POTEJ: variants seen among roughly 807,000 people sequenced by gnomAD.
POTEJ encodes POTE ankyrin domain family member J.
Under a neutral mutation model 69.0 loss-of-function variants are expected in POTEJ, and 11 were observed. That is an observed-to-expected ratio of 0.16 (90% CI 0.10 to 0.26). The LOEUF is 0.26. Ranked by LOEUF, POTEJ falls within the 10% of genes least tolerant of loss-of-function variation. The pLI is 1.00. For missense variants in POTEJ, 327 were observed against 1,045.5 expected (o/e 0.31, Z 9.48); for synonymous variants, 117 against 381.1 (o/e 0.31, Z 8.07).
chr2:130,624,947 A>G (rs1685649203), intron 6 of POTEJ, among the ~76,000 whole-genome samples: 1 of 152,004 alleles, frequency 6.6e-6, no homozygotes, highest in Non-Finnish European at 1.5e-5. Context: ...ATTTGCCAAA[A>G]GATTGTCATA....
At chr2:130,627,375 G>A (rs1473972294) in intron 6 of POTEJ, among the ~76,000 whole-genome samples, 2 of 146,232 alleles carry the variant, frequency 1.4e-5, no homozygotes, top group African/African-American at 5.3e-5. Flanking sequence ...ACATAGAATG[G>A]GACAGATGAA....
chr2:130,656,494 A>C, intron 14 of POTEJ, 55 bp from the exon 15 acceptor site: 1 of 1,563,380 alleles, frequency 6.4e-7, no homozygotes, highest in Non-Finnish European at 8.7e-7. Flanking sequence ...TTCAAAAGAA[A>C]TCATGTTATG....
intron 9 of POTEJ, among the ~76,000 whole-genome samples, chr2:130,633,364 T>C (rs1475595487): frequency 1.1e-4 from 15 of 137,398 alleles, no homozygotes; most frequent in African/African-American, 4.0e-4. Flanking sequence ...TATATACTTA[T>C]GTATAAGGAC....
intron 10 of POTEJ, among the ~76,000 whole-genome samples, chr2:130,641,318 C>CACCGTGTATTTCATTCACA: frequency 6.6e-6 from 1 of 151,980 alleles, no homozygotes; most frequent in South Asian, 2.1e-4. Flanking sequence ...AAGGTTTTCA[C>CACCGTGTATTTCATTCACA]CCGTCCATGG....
intron 13 of POTEJ, among the ~76,000 whole-genome samples, chr2:130,649,558 G>A (rs1271444099): frequency 6.6e-6 from 1 of 152,096 alleles, no homozygotes; most frequent in African/African-American, 2.4e-5. Context: ...TTATCTCAGT[G>A]GATGTATTTA....
At chr2:130,626,743 A>G (rs1466816973) in intron 6 of POTEJ, among the ~76,000 whole-genome samples, 1 of 152,294 alleles carries the variant, frequency 6.6e-6, no homozygotes, top group East Asian at 1.9e-4. Flanking sequence ...TTGGAGTAGC[A>G]TCAATGTATT....
rs1449833315 is a variant in POTEJ at position 130,657,484 on chromosome 2, C to T, written c.2724C>T (p.Gly908=). Residue 908 remains glycine, a synonymous_variant, in exon 15 of 15, where the codon GGC becomes GGT. Coordinates refer to ENST00000409602, the MANE Select transcript of POTEJ (RefSeq NM_001277083.2). ...AGAAGAGCTACGAGCTGCCCGATGG[C>T]CAGGTCATCACCATCAGCAACGAGT... The part of the protein sequence containing the change: ...SLEKSYELPD[G]QVITISNEWF... The T allele has an allele frequency of 5.1e-6, 8 of 1,574,396 alleles. 1 individual carries two copies. Among genetic ancestry groups the T allele is most frequent in the Admixed American group, 1.7e-5 (1 of 59,006 alleles).
chr2:130,625,786 G>C (rs1327244064), intron 6 of POTEJ, among the ~76,000 whole-genome samples: 2 of 138,734 alleles, frequency 1.4e-5, no homozygotes, highest in Non-Finnish European at 3.1e-5. Flanking sequence ...TGAATACTTA[G>C]CTAAGGCAAG....
At chr2:130,650,150 T>C (rs1237213068) in intron 13 of POTEJ, among the ~76,000 whole-genome samples, 4 of 152,396 alleles carry the variant, frequency 2.6e-5, no homozygotes, top group South Asian at 2.1e-4. Flanking sequence ...CAAAGTGATT[T>C]ATCATCTCTA....
At position 130,613,289 on chromosome 2, in the gene POTEJ, C is replaced by CATATATAT. The variant is rs1171559176; in HGVS notation, c.410+1349_410+1356dup. Among the ~76,000 whole-genome samples the CATATATAT allele has an allele frequency of 4.6e-5, 4 of 87,662 alleles. 1 individual carries two copies. The highest frequency in any genetic ancestry group is 9.3e-5 in the Non-Finnish European group (4 of 43,092). 57.5% of individuals were successfully genotyped at this position (87,662 alleles called of 152,430 possible). Reference sequence around the variant, plus strand: ...ACATATATATACATATGTATATATACATATATATACATATGTATATATACA... The same window carrying CATATATAT: ...ACATATATATACATATGTATATATACATATATATATATATATACATATGTATATATACA... On this transcript the variant is annotated intron_variant, in intron 1 of 14. Coordinates refer to ENST00000409602, the MANE Select transcript of POTEJ (RefSeq NM_001277083.2).
chr2:130,627,036 G>A (rs1422890544), intron 6 of POTEJ, among the ~76,000 whole-genome samples: 2 of 152,150 alleles, frequency 1.3e-5, no homozygotes, highest in Non-Finnish European at 2.9e-5. Context: ...AGCCTTGGGG[G>A]ACAGAGAGAA....
Position 130,631,920 on chromosome 2 carries a change from TC to T in POTEJ, c.1131+470del, listed in dbSNP as rs1685913983. ...TTCTTGTGTTTTGGCAAACTTTGGC[TC>T]CCATTTTCAGTGAGCACCATCATGT... is the stretch of plus-strand genomic sequence containing the variant. On this transcript the variant is annotated intron_variant, in intron 8 of 14. Transcript: ENST00000409602. Among the ~76,000 whole-genome samples the T allele has an allele frequency of 1.4e-5, 2 of 143,418 alleles. 1 individual carries two copies. The highest frequency in any genetic ancestry group is 3.0e-5 in the Non-Finnish European group (2 of 65,908). The allele number at this position is 143,418 out of a possible 152,430, so 94.1% of individuals were successfully genotyped here. A position where few individuals can be genotyped will look rare whatever the true frequency, so the allele number is the denominator to read the frequency against.
intron 1 of POTEJ, among the ~76,000 whole-genome samples, chr2:130,613,163 A>C (rs1370589101): frequency 2.0e-5 from 3 of 146,460 alleles, no homozygotes; most frequent in Non-Finnish European, 4.5e-5. Flanking sequence ...TAGATTAAAA[A>C]TTTTAAACAT....
intron 10 of POTEJ, among the ~76,000 whole-genome samples, chr2:130,640,558 C>T (rs1686311249): frequency 6.6e-6 from 1 of 151,320 alleles, no homozygotes; most frequent in Non-Finnish European, 1.5e-5. Context: ...GTGTTTTATT[C>T]ACGTCTCCTT....
At chr2:130,634,199 G>A (rs866934516) in intron 9 of POTEJ, among the ~76,000 whole-genome samples, 5 of 152,350 alleles carry the variant, frequency 3.3e-5, no homozygotes, top group East Asian at 3.8e-4. Flanking sequence ...TGTGCTAAAA[G>A]GAAGGTGCTG....
At chr2:130,634,845 C>G (rs1228384769) in intron 9 of POTEJ, among the ~76,000 whole-genome samples, 1 of 151,328 alleles carries the variant, frequency 6.6e-6, no homozygotes, top group African/African-American at 2.4e-5. Context: ...TTCATTCACT[C>G]TTAATCTCAC....
At chr2:130,641,080 G>T (rs1157969884) in intron 10 of POTEJ, among the ~76,000 whole-genome samples, 1 of 152,088 alleles carries the variant, frequency 6.6e-6, no homozygotes, top group Non-Finnish European at 1.5e-5. Flanking sequence ...GTCTGCTGTT[G>T]TAGTGTGAAA....
intron 13 of POTEJ, among the ~76,000 whole-genome samples, chr2:130,649,388 A>G (rs1348648682): frequency 6.6e-6 from 1 of 152,260 alleles, no homozygotes; most frequent in Admixed American, 6.5e-5. Context: ...GACACTTCAC[A>G]TCTAATCTCT....
At chr2:130,647,202 C>T (rs1177930816) in intron 13 of POTEJ, among the ~76,000 whole-genome samples, 7 of 151,268 alleles carry the variant, frequency 4.6e-5, no homozygotes, top group South Asian at 4.1e-4. Context: ...GTATTTAAAG[C>T]GTTTAGTTTG....
Sources: gnomAD v4.1 joint callset for allele counts (sites outside exome capture counted in the v4.1 genomes callset) on GRCh38, gnomAD v4.1.1 for gene constraint, MANE v1.5 for transcripts, NCBI Gene and HGNC (gene_info 2026-07-23, HGNC 2026-07-21) for gene names.